DYNC2H1: variants seen among roughly 807,000 people sequenced by gnomAD.
The protein encoded by DYNC2H1 is dynein cytoplasmic 2 heavy chain 1.
DYNC2H1 carries 410 observed loss-of-function variants against 570.0 expected under a neutral mutation model. That is an observed-to-expected ratio of 0.72 (90% CI 0.66 to 0.78). The LOEUF (loss-of-function observed/expected upper bound fraction) is 0.78, where lower values mean the gene tolerates loss of function less well. Ranked by LOEUF, DYNC2H1 falls within the 30% of genes least tolerant of loss-of-function variation. The pLI is 0.00. For synonymous variants in DYNC2H1, 1,688 were observed against 1,677.6 expected (o/e 1.01, Z -0.15); for missense variants, 4,865 against 5,046.4 (o/e 0.96, Z 1.09).
At chr11:103,242,333 T>C (rs1290873553) in intron 63 of DYNC2H1, among the ~76,000 whole-genome samples, 1 of 152,156 alleles carries the variant, frequency 6.6e-6, no homozygotes, top group Non-Finnish European at 1.5e-5. Context: ...TATACTGTAA[T>C]AAAAGTTAAG....
Position 103,252,250 on chromosome 11 carries a change from C to T in DYNC2H1, c.10043-1035C>T, listed in dbSNP as rs1014859069. On this transcript the variant is annotated intron_variant, in intron 65 of 88. Coordinates refer to ENST00000375735, the MANE Select transcript of DYNC2H1 (RefSeq NM_001377.3). The surrounding 1 kb of genome is among the most constrained non-coding windows in gnomAD (Gnocchi z 4.6). ...GTGCCTGACCCACATTTTCTTTATC[C>T]GATCTGTTGATGGACATTCAGGTTG... Among the ~76,000 whole-genome samples, 6 of 151,956 alleles carry T rather than the reference C, an allele frequency of 3.9e-5. No individual in the cohort carries two copies. Among genetic ancestry groups the T allele is most frequent in the Non-Finnish European group, 7.4e-5 (5 of 67,952 alleles).
rs763800155 is a variant in DYNC2H1 at position 103,286,309 on chromosome 11, C to A, written c.10945C>A (p.Arg3649Ser). The change falls in exon 74 of 89, where the codon CGT (arginine) becomes AGT (serine). Residue 3649 changes from arginine to serine, a missense_variant. Arg to Ser is a moderately radical substitution (Grantham distance 110). Transcript: ENST00000375735. Reference sequence around the variant, plus strand: ...CTGCTTTGAAGATGCAGCTCTGTGGCGTACTTATTATAATAATTCAATGTG... The same window carrying A: ...CTGCTTTGAAGATGCAGCTCTGTGGAGTACTTATTATAATAATTCAATGTG... ...TLCFEDAALW[R>S]TYYNNSMCEQ... is the part of the protein sequence containing the mutation. 1.9e-5 allele frequency: 30 copies of A among 1,613,578 alleles called. No individual in the cohort carries two copies. Among genetic ancestry groups the A allele is most frequent in the Middle Eastern group, 1.6e-4 (1 of 6,084 alleles).
chr11:103,437,868 A>G (rs1421238214), intron 85 of DYNC2H1, among the ~76,000 whole-genome samples: 1 of 152,096 alleles, frequency 6.6e-6, no homozygotes, highest in East Asian at 1.9e-4. Flanking sequence ...TGAGTTTATA[A>G]TGATAAATAT....
At chr11:103,142,933 C>G (rs534059769) in intron 17 of DYNC2H1, among the ~76,000 whole-genome samples, 2 of 152,292 alleles carry the variant, frequency 1.3e-5, no homozygotes, top group South Asian at 2.1e-4. Context: ...TAGGATGAAT[C>G]TGGACCCTTT....
intron 38 of DYNC2H1, among the ~76,000 whole-genome samples, chr11:103,178,718 G>A (rs1258607930): frequency 6.6e-6 from 1 of 152,030 alleles, no homozygotes; most frequent in Admixed American, 6.6e-5. Context: ...ATACAACAGA[G>A]CAAGCCTTCG....
chr11:103,348,086 A>G (rs1043159934), intron 82 of DYNC2H1, among the ~76,000 whole-genome samples: 5 of 152,130 alleles, frequency 3.3e-5, no homozygotes, highest in Admixed American at 3.3e-4. Context: ...TAATTAGCAA[A>G]TTCTAATTCC....
At chr11:103,432,410 T>C (rs1943924050) in intron 84 of DYNC2H1, among the ~76,000 whole-genome samples, 1 of 152,130 alleles carries the variant, frequency 6.6e-6, no homozygotes, top group Non-Finnish European at 1.5e-5. Flanking sequence ...CTGGTTGTTG[T>C]CAACTTCCGA....
In DYNC2H1 at chr11:103,156,401, G is replaced by T; in HGVS notation, c.3758G>T (p.Arg1253Leu). ...TGTGTTAAATAGGATTTAAATAGTC[G>T]GGCACAAGGTGAAGTTACAATCAGA... ...KAADLKDLNS[R>L]AQGEVTIREA... Residue 1253 changes from arginine (R) to leucine (L), a missense_variant, in exon 26 of 89, where the codon CGG (arginine) becomes CTG (leucine). Transcript: ENST00000375735. 1 of 1,612,674 alleles carries T rather than the reference G, an allele frequency of 6.2e-7. No individual in the cohort carries two copies. Among genetic ancestry groups the T allele is most frequent in the South Asian group, 1.1e-5 (1 of 90,688 alleles).
At position 103,412,145 on chromosome 11, in the gene DYNC2H1, TA is replaced by T. The variant is rs1943114425; in HGVS notation, c.12366+12276del. ...ACCCCATTTATTTCAAAATAAAAGT[TA>T]AATTTTTGTTAAATTTTTGTTACAT... On this transcript the variant is annotated intron_variant, in intron 84 of 88. Transcript: ENST00000375735. Among the ~76,000 whole-genome samples, 3 of 28,032 alleles carry T rather than the reference TA, an allele frequency of 1.1e-4. No homozygotes were observed. In the African/African-American group the frequency reaches 2.9e-3, roughly 27 times the overall value. The allele number at this position is 28,032 out of a possible 152,430, so 18.4% of individuals were successfully genotyped here.
intron 76 of DYNC2H1, 139 bp downstream of exon 76, chr11:103,303,392 G>C (rs1033968700): frequency 2.4e-6 from 2 of 845,160 alleles, no homozygotes; most frequent in Non-Finnish European, 3.3e-6. Flanking sequence ...CCTCAGAACT[G>C]TGGATATGTT....
chr11:103,316,461 C>A (rs1937847217), intron 79 of DYNC2H1, 84 bp from the exon 80 acceptor site: 1 of 881,280 alleles, frequency 1.1e-6, no homozygotes, highest in East Asian at 3.0e-5. Context: ...CTATATTGAT[C>A]ATTTAATTTA....
At chr11:103,126,421 C>G (rs775062659) in intron 12 of DYNC2H1, among the ~76,000 whole-genome samples, 19 of 152,192 alleles carry the variant, frequency 1.2e-4, no homozygotes, top group Non-Finnish European at 2.5e-4. Flanking sequence ...TTGAGAATCA[C>G]TGGTCTAGTG....
At chr11:103,279,867 G>A (rs897302786) in intron 70 of DYNC2H1, among the ~76,000 whole-genome samples, 7 of 152,000 alleles carry the variant, frequency 4.6e-5, no homozygotes, top group African/African-American at 1.7e-4. Flanking sequence ...CTTCTTGTGT[G>A]GAAAATGAAG....
chr11:103,144,945 A>G (rs1281879770), intron 18 of DYNC2H1, among the ~76,000 whole-genome samples: 1 of 151,730 alleles, frequency 6.6e-6, no homozygotes, highest in Non-Finnish European at 1.5e-5. Context: ...TAGTGGCATG[A>G]TATATGCTCA....
chr11:103,301,441 G>A (rs1443463211), intron 75 of DYNC2H1, among the ~76,000 whole-genome samples: 1 of 151,898 alleles, frequency 6.6e-6, no homozygotes, highest in Non-Finnish European at 1.5e-5. Flanking sequence ...TTGAGTTAAT[G>A]AATAAATAAC....
At chr11:103,451,443 C>T (rs1180877123) in intron 85 of DYNC2H1, among the ~76,000 whole-genome samples, 1 of 150,248 alleles carries the variant, frequency 6.7e-6, no homozygotes, top group Non-Finnish European at 1.5e-5. Context: ...AGCGATTCTC[C>T]TGCCTCAGTC....
Position 103,446,219 on chromosome 11 carries a change from C to T in DYNC2H1, c.12457-8967C>T, listed in dbSNP as rs1271373139. Among the ~76,000 whole-genome samples, 2 of 152,144 alleles carry T rather than the reference C, an allele frequency of 1.3e-5. No homozygotes were observed. The highest frequency in any genetic ancestry group is 4.8e-5 in the African/African-American group (2 of 41,424). The stretch of plus-strand genomic sequence containing the variant: ...GAAATAGAAAATTAGCAATTATCAG[C>T]ATATCAACATAGTGTTTAAAACCAT... On this transcript the variant is annotated intron_variant, in intron 85 of 88. Transcript: ENST00000375735. This position sits in a 1 kb window ranked among gnomAD's most constrained non-coding sequence, Gnocchi z 4.5.
chr11:103,460,200 C>A (rs1337531535), intron 87 of DYNC2H1, among the ~76,000 whole-genome samples: 3 of 151,986 alleles, frequency 2.0e-5, no homozygotes, highest in Non-Finnish European at 4.4e-5. Context: ...TGAGAAGTAC[C>A]TTGGCTATTA....
intron 65 of DYNC2H1, among the ~76,000 whole-genome samples, chr11:103,247,227 T>C (rs959175652): frequency 1.1e-4 from 16 of 152,086 alleles, no homozygotes; most frequent in African/African-American, 3.6e-4. Context: ...GGTTGTTTTA[T>C]TTCCATGTTG....
Sources: allele counts gnomAD v4.1 joint callset (sites outside exome capture counted in the v4.1 genomes callset), GRCh38; gene constraint gnomAD v4.1.1; non-coding constraint Gnocchi (gnomAD v3.1); transcripts MANE v1.5; gene names NCBI Gene and HGNC (gene_info 2026-07-23, HGNC 2026-07-21).